FOCAD: variants seen among roughly 807,000 people sequenced by gnomAD.
FOCAD encodes the protein KIAA1797.
A neutral mutation model predicts 225.6 loss-of-function variants in FOCAD; 198 were observed. The ratio of observed to expected loss-of-function variants is 0.88; its 90% CI spans 0.78 to 0.99. FOCAD has a LOEUF of 0.99. Among genes scored for constraint, FOCAD ranks in the 50% least tolerant of loss-of-function variants. FOCAD has a pLI of 0.00. For missense variants in FOCAD, 2,713 were observed against 2,123.6 expected (o/e 1.28, Z -5.46); for synonymous variants, 897 against 755.0 (o/e 1.19, Z -3.08).
rs144814549 is a variant in FOCAD at position 20,960,759 on chromosome 9, G to A, written c.4132+7694G>A. ...CTCCCCCAACCCCACAACAGGCCTC[G>A]GTGTGTGATGTTCCCCTTCCTGTGT... On this transcript the variant is annotated intron_variant, in intron 35 of 43. Coordinates refer to ENST00000338382, the MANE Select transcript of FOCAD (RefSeq NM_001375567.1). 3.8e-3 allele frequency among the ~76,000 whole-genome samples: 428 copies of A among 114,028 alleles called. 6 individuals are homozygous for A. The East Asian group carries it at 0.057, about 15-fold the overall frequency. 74.8% of individuals were successfully genotyped at this position (114,028 alleles called of 152,430 possible).
chr9:20,697,063 A>G (rs1242522211), intron 1 of FOCAD, among the ~76,000 whole-genome samples: 1 of 152,116 alleles, frequency 6.6e-6, no homozygotes, highest in East Asian at 1.9e-4. Flanking sequence ...TCTGTTCTTT[A>G]TAAAATATTC....
At chr9:20,926,438 A>T in intron 26 of FOCAD, 21 bp downstream of exon 26, 3 of 1,435,518 alleles carry the variant, frequency 2.1e-6, no homozygotes, top group Non-Finnish European at 2.9e-6. Context: ...AAAATAAAAA[A>T]TGATCAGAAA....
intron 4 of FOCAD, among the ~76,000 whole-genome samples, chr9:20,739,502 T>C (rs1481414178): frequency 1.3e-5 from 2 of 151,720 alleles, no homozygotes; most frequent in African/African-American, 4.8e-5. Context: ...ACTTGGGAGG[T>C]TGAGGCAGGA....
intron 21 of FOCAD, among the ~76,000 whole-genome samples, chr9:20,903,678 T>C (rs1457518715): frequency 2.6e-5 from 4 of 151,948 alleles, no homozygotes; most frequent in Non-Finnish European, 5.9e-5. Flanking sequence ...TTTCTCTTTC[T>C]CAAACAGGTC....
chr9:20,844,113 A>C (rs1313710852), intron 15 of FOCAD, among the ~76,000 whole-genome samples: 1 of 152,144 alleles, frequency 6.6e-6, no homozygotes, highest in Non-Finnish European at 1.5e-5. Flanking sequence ...AAGTGCAACT[A>C]TGTAAACTAT....
chr9:20,744,868 A>T (rs549826899), intron 5 of FOCAD, among the ~76,000 whole-genome samples: 97 of 152,304 alleles, frequency 6.4e-4, no homozygotes, highest in Non-Finnish European at 1.0e-3. Flanking sequence ...GTAGGTAGAC[A>T]AAACACATCT....
intron 28 of FOCAD, among the ~76,000 whole-genome samples, chr9:20,935,962 G>A (rs1835907834): frequency 6.6e-6 from 1 of 152,118 alleles, no homozygotes; most frequent in Admixed American, 6.5e-5. Context: ...AGATAAAAAT[G>A]AAAAATAATC....
chr9:20,879,875 G>A (rs984701645), intron 19 of FOCAD, among the ~76,000 whole-genome samples: 3 of 152,152 alleles, frequency 2.0e-5, no homozygotes, highest in Non-Finnish European at 4.4e-5. Flanking sequence ...CCATTGCTGG[G>A]TTAGTCTATG....
At chr9:20,769,554 G>T (rs958930769) in intron 7 of FOCAD, among the ~76,000 whole-genome samples, 1 of 152,226 alleles carries the variant, frequency 6.6e-6, no homozygotes, top group African/African-American at 2.4e-5. Flanking sequence ...TCTGCCAAGT[G>T]TGGAGATGAT....
intron 4 of FOCAD, among the ~76,000 whole-genome samples, chr9:20,723,594 C>T (rs564115426): frequency 3.9e-5 from 6 of 152,124 alleles, no homozygotes; most frequent in Non-Finnish European, 7.3e-5. Flanking sequence ...TTTTATCCCC[C>T]CTGTGGAAGA....
Position 20,948,376 on chromosome 9 carries a change from A to G in FOCAD, c.3781A>G (p.Arg1261Gly). 2 of 1,612,418 alleles carry G rather than the reference A, an allele frequency of 1.2e-6. No homozygotes were observed. Among genetic ancestry groups the G allele is most frequent in the South Asian group, 2.2e-5 (2 of 90,998 alleles). Reference sequence around the variant, plus strand: ...CAGCAAACTACTCCCTGCCTGGATCAGAATTGTTCTAACAGAGGTAGAGGT... The same window carrying G: ...CAGCAAACTACTCCCTGCCTGGATCGGAATTGTTCTAACAGAGGTAGAGGT... Reference protein sequence around the residue: ...LGSKLLPAWIRIVLTEGTPTM... With the variant: ...LGSKLLPAWIGIVLTEGTPTM... The change falls in exon 31 of 44, where the codon AGA (arginine) becomes GGA (glycine). Residue 1261 changes from arginine to glycine, a missense_variant. Physicochemically the swap from Arg to Gly is moderately radical, Grantham distance 125. Coordinates refer to ENST00000338382, the MANE Select transcript of FOCAD (RefSeq NM_001375567.1).
chr9:20,794,657 G>A (rs1460976805), intron 11 of FOCAD, among the ~76,000 whole-genome samples: 5 of 152,250 alleles, frequency 3.3e-5, no homozygotes, highest in Admixed American at 3.3e-4. Context: ...GAACCTCAAG[G>A]ATGAAGGGAA....
chr9:20,887,619 A>G (rs1422649963), intron 21 of FOCAD, among the ~76,000 whole-genome samples: 1 of 152,176 alleles, frequency 6.6e-6, no homozygotes, highest in East Asian at 1.9e-4. Context: ...GTTTTCAATG[A>G]TTAAGACTAA....
intron 18 of FOCAD, among the ~76,000 whole-genome samples, chr9:20,871,195 C>T (rs937544756): frequency 1.3e-5 from 2 of 151,636 alleles, no homozygotes; most frequent in Non-Finnish European, 2.9e-5. Flanking sequence ...CAGAGCAAGA[C>T]TCTGTCTCAA....
intron 6 of FOCAD, among the ~76,000 whole-genome samples, chr9:20,763,354 A>C (rs1393763653): frequency 1.3e-5 from 2 of 152,118 alleles, no homozygotes. Flanking sequence ...TACTTGGGAG[A>C]CTGAGGCAGG....
intron 2 of FOCAD, chr9:20,716,214 TGAA>T (rs774874299): frequency 4.8e-6 from 2 of 416,790 alleles, no homozygotes; most frequent in Admixed American, 2.0e-5. Context: ...GTCCTTACCA[TGAA>T]GAAGAAGATG....
At chr9:20,935,917 A>C (rs1473248277) in intron 28 of FOCAD, among the ~76,000 whole-genome samples, 1 of 152,246 alleles carries the variant, frequency 6.6e-6, no homozygotes, top group African/African-American at 2.4e-5. Context: ...ATTAAACTAA[A>C]TGCTTTAAAA....
intron 35 of FOCAD, among the ~76,000 whole-genome samples, chr9:20,959,728 T>A (rs1838525934): frequency 6.6e-6 from 1 of 151,424 alleles, no homozygotes. Flanking sequence ...GATTGGGGGG[T>A]GTAGTTTAAT....
chr9:20,814,994 C>T (rs111497510), intron 11 of FOCAD, among the ~76,000 whole-genome samples: 2 of 151,928 alleles, frequency 1.3e-5, no homozygotes, highest in African/African-American at 4.8e-5. Context: ...TCCATATGCT[C>T]TCATGTTTCT....
Sources: allele counts gnomAD v4.1 joint callset (sites outside exome capture counted in the v4.1 genomes callset), GRCh38; gene constraint gnomAD v4.1.1; transcripts MANE v1.5; gene names NCBI Gene and HGNC (gene_info 2026-07-23, HGNC 2026-07-21).